The following TEAD1 variants were observed in gnomAD, a reference collection of about 807,000 sequenced individuals.
TEAD1 encodes the protein TEA domain transcription factor 1, also known as transcriptional enhancer factor TEF-1.
In TEAD1, 9 loss-of-function variants were observed where a neutral mutation model predicts 54.9. The observed-to-expected ratio is 0.16, with a 90% CI of 0.10 to 0.29. The LOEUF is 0.29. TEAD1 is among the 10% of genes least tolerant of loss of function. The probability of loss-of-function intolerance (pLI) is 1.00; values close to 1 mark genes in which losing one functional copy is unlikely to be tolerated. For missense variants in TEAD1, 387 were observed against 535.9 expected, an observed-to-expected ratio of 0.72 and a Z score of 2.74; for synonymous variants, 200 against 187.8, an observed-to-expected ratio of 1.07 and a Z score of -0.53.
intron 11 of TEAD1, among the ~76,000 whole-genome samples, chr11:12,928,756 A>G (rs931996915): frequency 2.0e-5 from 3 of 152,184 alleles, no homozygotes; most frequent in Admixed American, 6.5e-5. Flanking sequence ...TGATAGATAA[A>G]AATTTTATAC....
chr11:12,728,867 A>G (rs1014837955), intron 2 of TEAD1, among the ~76,000 whole-genome samples: 1 of 152,236 alleles, frequency 6.6e-6, no homozygotes, highest in African/African-American at 2.4e-5. Flanking sequence ...TTTGGAATGT[A>G]GCACCTGTAG....
chr11:12,675,974 G>T (rs897909725), intron 2 of TEAD1, among the ~76,000 whole-genome samples: 1 of 152,174 alleles, frequency 6.6e-6, no homozygotes, highest in Non-Finnish European at 1.5e-5. Context: ...CTTCTTAGAA[G>T]CAAGTGGCTT....
At chr11:12,686,647 C>T (rs1287360433) in intron 2 of TEAD1, among the ~76,000 whole-genome samples, 2 of 152,076 alleles carry the variant, frequency 1.3e-5, no homozygotes, top group Non-Finnish European at 2.9e-5. Context: ...TCTTGACATT[C>T]TTAGGTTTCA....
chr11:12,696,453 GC>G (rs1392848191), intron 2 of TEAD1, among the ~76,000 whole-genome samples: 1 of 152,154 alleles, frequency 6.6e-6, no homozygotes, highest in African/African-American at 2.4e-5. Context: ...GTGGAATAAA[GC>G]CACTTTGCAG....
chr11:12,744,501 A>G (rs1944708008), intron 2 of TEAD1, among the ~76,000 whole-genome samples: 1 of 152,234 alleles, frequency 6.6e-6, no homozygotes, highest in Non-Finnish European at 1.5e-5. Context: ...TAGGTGGGCA[A>G]TAAAAACCTA....
intron 2 of TEAD1, among the ~76,000 whole-genome samples, chr11:12,710,742 C>T (rs1943919384): frequency 6.6e-6 from 1 of 152,108 alleles, no homozygotes; most frequent in Non-Finnish European, 1.5e-5. Context: ...GAGAAATAGA[C>T]ATGTCATGAA....
chr11:12,700,661 C>T (rs1245960135), intron 2 of TEAD1, among the ~76,000 whole-genome samples: 1 of 152,090 alleles, frequency 6.6e-6, no homozygotes, highest in Non-Finnish European at 1.5e-5. Context: ...TTTATTTTCC[C>T]TCACCGTGGT....
At chr11:12,844,883 G>A (rs1947109097) in intron 3 of TEAD1, among the ~76,000 whole-genome samples, 1 of 151,208 alleles carries the variant, frequency 6.6e-6, no homozygotes, top group African/African-American at 2.4e-5. Flanking sequence ...CAGCTGGTGA[G>A]CAGCATGTGT....
chr11:12,705,201 C>G (rs1943788264), intron 2 of TEAD1, among the ~76,000 whole-genome samples: 1 of 152,200 alleles, frequency 6.6e-6, no homozygotes, highest in African/African-American at 2.4e-5. Flanking sequence ...CTTGTGATTT[C>G]TGTTTTAGGG....
At chr11:12,801,767 T>A (rs1169576932) in intron 3 of TEAD1, among the ~76,000 whole-genome samples, 1 of 152,234 alleles carries the variant, frequency 6.6e-6, no homozygotes, top group Non-Finnish European at 1.5e-5. Flanking sequence ...TGGTTGTATT[T>A]CATTCAGAAT....
intron 5 of TEAD1, 55 bp from the exon 6 acceptor site, chr11:12,879,653 C>G: frequency 6.2e-7 from 1 of 1,613,220 alleles, no homozygotes; most frequent in South Asian, 1.1e-5. Flanking sequence ...CCTGTGTAAC[C>G]TGCCTGGTAG....
At chr11:12,834,231 G>C (rs973323844) in intron 3 of TEAD1, among the ~76,000 whole-genome samples, 1 of 152,144 alleles carries the variant, frequency 6.6e-6, no homozygotes, top group Non-Finnish European at 1.5e-5. Flanking sequence ...TGAGATATGA[G>C]TTATGTGGAA....
chr11:12,826,200 G>A (rs1490686608), intron 3 of TEAD1, among the ~76,000 whole-genome samples: 1 of 152,166 alleles, frequency 6.6e-6, no homozygotes, highest in Non-Finnish European at 1.5e-5. Context: ...GAAAATGGGT[G>A]AAAAGTGAGC....
chr11:12,731,597 C>T (rs1259140378), intron 2 of TEAD1, among the ~76,000 whole-genome samples: 1 of 152,004 alleles, frequency 6.6e-6, no homozygotes, highest in Non-Finnish European at 1.5e-5. Flanking sequence ...AATTTATTCC[C>T]GCTTATCAGA....
intron 9 of TEAD1, among the ~76,000 whole-genome samples, chr11:12,883,532 C>T (rs189194315): frequency 6.6e-6 from 1 of 152,152 alleles, no homozygotes; most frequent in Non-Finnish European, 1.5e-5. Context: ...TAGGTACTAA[C>T]TGACAAATGA....
rs369750092 is a variant in TEAD1, at chr11:12,835,987, T to C, written c.203-26263T>C. On this transcript the variant is annotated intron_variant, in intron 3 of 12. Coordinates refer to ENST00000527636, the MANE Select transcript of TEAD1 (RefSeq NM_021961.6). The stretch of plus-strand genomic sequence containing the variant: ...TTGCCAAAAGACTAGGTTTTAAATG[T>C]TCTCGTCACAAAGAAATGATAAGAA... Among the ~76,000 whole-genome samples, 4 of 152,200 alleles carry C rather than the reference T, an allele frequency of 2.6e-5. No homozygotes were observed. The South Asian group carries it at 8.3e-4, about 32-fold the overall frequency.
At chr11:12,674,991 C>T (rs1943045065) in intron 1 of TEAD1, among the ~76,000 whole-genome samples, 157 bp downstream of exon 1, 1 of 148,352 alleles carries the variant, frequency 6.7e-6, no homozygotes, top group African/African-American at 2.4e-5. Context: ...GGCCCCCACA[C>T]CCGCCTCCCC....
At chr11:12,735,745 T>C (rs760778327) in intron 2 of TEAD1, among the ~76,000 whole-genome samples, 5 of 152,136 alleles carry the variant, frequency 3.3e-5, no homozygotes, top group African/African-American at 7.2e-5. Flanking sequence ...TCACAACAGT[T>C]ACTGGGTTGC....
intron 4 of TEAD1, among the ~76,000 whole-genome samples, chr11:12,862,926 T>G (rs1399505774): frequency 1.3e-5 from 2 of 152,170 alleles, no homozygotes; most frequent in African/African-American, 4.8e-5. Context: ...CCTTTCCTCG[T>G]TCTTTCAGAT....
Sources: allele counts gnomAD v4.1 joint callset (sites outside exome capture counted in the v4.1 genomes callset), GRCh38; gene constraint gnomAD v4.1.1; transcripts MANE v1.5; gene names NCBI Gene and HGNC (gene_info 2026-07-23, HGNC 2026-07-21).